The following CDK7 variants were observed in gnomAD, a reference collection of about 807,000 sequenced individuals.
CDK7 encodes the protein cyclin-dependent kinase 7.
In CDK7, 25 loss-of-function variants were observed where a neutral mutation model predicts 49.1. The observed-to-expected ratio is 0.51, with a 90% confidence interval of 0.37 to 0.71. The LOEUF (loss-of-function observed/expected upper bound fraction) is 0.71. Among genes scored for constraint, CDK7 ranks in the 30% least tolerant of loss-of-function variants. The pLI, the probability that CDK7 is intolerant of heterozygous loss-of-function variation, is 0.00. For synonymous variants in CDK7, 107 were observed against 140.0 expected (o/e 0.76, Z 1.67); for missense variants, 316 against 411.7 (o/e 0.77, Z 2.01).
At chr5:69,249,496 T>C (rs1239300666) in intron 2 of CDK7, among the ~76,000 whole-genome samples, 1 of 151,818 alleles carries the variant, frequency 6.6e-6, no homozygotes, top group East Asian at 1.9e-4. Context: ...TGAGCCGAGA[T>C]TGCACCACTG....
At chr5:69,245,305 C>CCTTCCCCCCCA (rs1749673367) in intron 2 of CDK7, among the ~76,000 whole-genome samples, 1 of 135,166 alleles carries the variant, frequency 7.4e-6, no homozygotes, top group Admixed American at 7.6e-5. Context: ...TTCCCCCTCC[C>CCTTCCCCCCCA]CTTCCCCCTC....
At chr5:69,257,460 T>C (rs1750561647) in intron 5 of CDK7, among the ~76,000 whole-genome samples, 1 of 152,232 alleles carries the variant, frequency 6.6e-6, no homozygotes, top group Non-Finnish European at 1.5e-5. Flanking sequence ...TTTTCTTCTC[T>C]GTTGCATTCT....
intron 3 of CDK7, among the ~76,000 whole-genome samples, chr5:69,254,137 G>T (rs1386793705): frequency 1.3e-5 from 2 of 152,074 alleles, no homozygotes; most frequent in Non-Finnish European, 2.9e-5. Context: ...CAATGTAAAA[G>T]AACAACAGAT....
rs1436190649 is a variant in CDK7 at position 69,234,987 on chromosome 5, C to T, written c.12C>T (p.Asp4=). The T allele has an allele frequency of 1.9e-5, 30 of 1,598,712 alleles. No homozygotes were observed. Among genetic ancestry groups the T allele is most frequent in the Non-Finnish European group, 2.6e-5 (30 of 1,173,030 alleles). ...CTTTACGGCGCCGGATGGCTCTGGA[C>T]GTGAAGTCTCGGGCAAAGCGTTATG... MAL[D]VKSRAKRYEK... The change falls in exon 1 of 12, where the codon GAC becomes GAT. Residue 4 remains aspartate (D), a synonymous_variant. Coordinates refer to ENST00000256443, the MANE Select transcript of CDK7 (RefSeq NM_001799.4).
At chr5:69,271,518 T>G (rs1456676763) in intron 9 of CDK7, among the ~76,000 whole-genome samples, 5 of 151,228 alleles carry the variant, frequency 3.3e-5, no homozygotes, top group African/African-American at 4.9e-5. Flanking sequence ...TTTTTCTTTT[T>G]TTTTTTTTTT....
At position 69,267,292 on chromosome 5, in the gene CDK7, CTTTTTT is replaced by C. The variant is rs71612523; in HGVS notation, c.628-1892_628-1887del. On this transcript the variant is annotated intron_variant, in intron 8 of 11. Transcript: ENST00000256443. Reference sequence around the variant, plus strand: ...TTAGTATTTTTCTCTATAAGGATTCCTTTTTTTTTTTTTTTTTTTTTTTTTTTTGAG... The same window carrying C: ...TTAGTATTTTTCTCTATAAGGATTCCTTTTTTTTTTTTTTTTTTTTTTGAG... 1.3e-4 allele frequency among the ~76,000 whole-genome samples: 12 copies of C among 91,096 alleles called. No individual in the cohort carries two copies. In the East Asian group the frequency reaches 3.0e-3, roughly 22 times the overall value. The allele number at this position is 91,096 out of a possible 152,430, so 59.8% of individuals were successfully genotyped here.
intron 2 of CDK7, among the ~76,000 whole-genome samples, chr5:69,243,873 C>T (rs1221026367): frequency 8.7e-6 from 1 of 115,200 alleles, no homozygotes; most frequent in African/African-American, 3.3e-5. Context: ...CGCACTGTTG[C>T]CTGGGCTGGA....
At chr5:69,250,166 G>C (rs557759189) in intron 2 of CDK7, among the ~76,000 whole-genome samples, 25 of 152,286 alleles carry the variant, frequency 1.6e-4, no homozygotes, top group Non-Finnish European at 3.4e-4. Context: ...GAAGAGTCAG[G>C]TATTTATTAT....
chr5:69,256,290 C>T (rs1345459039), intron 5 of CDK7, among the ~76,000 whole-genome samples: 1 of 152,066 alleles, frequency 6.6e-6, no homozygotes, highest in Non-Finnish European at 1.5e-5. Context: ...AATAAAGAAA[C>T]TTATTTCCAT....
At chr5:69,235,928 C>T (rs1413708225) in intron 2 of CDK7, among the ~76,000 whole-genome samples, 1 of 152,148 alleles carries the variant, frequency 6.6e-6, no homozygotes, top group African/African-American at 2.4e-5. Flanking sequence ...GATTCAGTAG[C>T]TTCTTATATT....
intron 9 of CDK7, 152 bp downstream of exon 9, chr5:69,269,445 A>G: frequency 3.8e-6 from 2 of 530,372 alleles, no homozygotes; most frequent in Non-Finnish European, 3.3e-6. Context: ...TATATAAAGT[A>G]AGAAGTTACA....
At position 69,258,163 on chromosome 5, in the gene CDK7, T is replaced by C. The variant is rs1750601629; in HGVS notation, c.408+10T>C. ...TTGGATCCTACATAGGGTAAGGTTT[T>C]TAATATTGCTTCTTTATACTAGTCA... is the stretch of plus-strand genomic sequence containing the variant. On this transcript the variant is annotated intron_variant, in intron 6 of 11. Coordinates refer to ENST00000256443, the MANE Select transcript of CDK7 (RefSeq NM_001799.4). 7.9e-7 allele frequency: 1 copy of C among 1,266,672 alleles called. No homozygotes were observed. 78.5% of individuals were successfully genotyped at this position (1,266,672 alleles called of 1,614,324 possible). A position where few individuals can be genotyped will look rare whatever the true frequency, so the allele number is the denominator to read the frequency against.
At chr5:69,262,074 T>G (rs1388085159) in intron 7 of CDK7, 131 bp from the exon 8 acceptor site, 1 of 994,584 alleles carries the variant, frequency 1.0e-6, no homozygotes, top group African/African-American at 1.6e-5. Flanking sequence ...CATGAAAGAG[T>G]ATGGTATCTA....
chr5:69,253,878 C>T (rs997091300), intron 3 of CDK7, among the ~76,000 whole-genome samples: 37 of 152,054 alleles, frequency 2.4e-4, no homozygotes, highest in East Asian at 5.8e-4. Context: ...GTGGGTAGAT[C>T]GCCTGAGCTC....
In CDK7 at chr5:69,247,502, T is replaced by C. The variant is rs145670455; in HGVS notation, c.127-4916T>C. Among the ~76,000 whole-genome samples, 602 of 149,568 alleles carry C rather than the reference T, an allele frequency of 4.0e-3. 6 individuals are homozygous for C. Among genetic ancestry groups the C allele is most frequent in the Non-Finnish European group, 7.1e-3 (477 of 67,484 alleles). On this transcript the variant is annotated intron_variant, in intron 2 of 11. Coordinates refer to ENST00000256443, the MANE Select transcript of CDK7 (RefSeq NM_001799.4). ...TGTGCTTCTTGTAGGCAACAGATCT[T>C]TGGGGCTTCTTTTTTTTTTTTATCC...
At position 69,272,948 on chromosome 5, in the gene CDK7, G is replaced by T. The variant is rs1157678349; in HGVS notation, c.771G>T (p.Leu257Phe). The T allele has an allele frequency of 6.3e-7, 1 of 1,597,976 alleles. No individual in the cohort carries two copies. Among genetic ancestry groups the T allele is most frequent in the Admixed American group, 1.7e-5 (1 of 59,096 alleles). ...TTAAGAGTTTCCCTGGAATACCTTT[G>T]CATCACATCTTCAGTGCAGCAGGAG... The part of the protein sequence containing the change: ...VTFKSFPGIP[L>F]HHIFSAAGDD... Residue 257 changes from leucine (L) to phenylalanine (F), a missense_variant, in exon 10 of 12, where the codon TTG becomes TTT. By Grantham distance (22) the Leu-to-Phe change is conservative. Coordinates refer to ENST00000256443, the MANE Select transcript of CDK7 (RefSeq NM_001799.4).
chr5:69,252,452 G>T lies in CDK7; in HGVS notation c.160+1G>T. On this transcript the variant is annotated splice_donor_variant, in intron 3 of 11. Coordinates refer to ENST00000256443, the MANE Select transcript of CDK7 (RefSeq NM_001799.4). LOFTEE classifies it high-confidence loss of function. ...GGACATAGATCAGAAGCTAAAGATG[G>T]TAAGTATTTCATGTAATCTGACAGA... is the stretch of plus-strand genomic sequence containing the variant. 1 of 1,475,586 alleles carries T rather than the reference G, an allele frequency of 6.8e-7. No individual in the cohort carries two copies. Among genetic ancestry groups the T allele is most frequent in the Non-Finnish European group, 9.2e-7 (1 of 1,088,562 alleles). The allele number at this position is 1,475,586 out of a possible 1,614,324, so 91.4% of individuals were successfully genotyped here.
Position 69,272,893 on chromosome 5 carries a change from A to G in CDK7, c.716A>G (p.Asp239Gly). ...TGAATTACAAAATTATTTTTACAGGACATGTGTAGTCTTCCAGATTATGTG... is the reference window on the plus strand; with the variant it reads ...TGAATTACAAAATTATTTTTACAGGGCATGTGTAGTCTTCCAGATTATGTG... The part of the protein sequence containing the change: ...LGTPTEEQWP[D>G]MCSLPDYVTF... The change falls in exon 10 of 12, where the codon GAC (aspartate) becomes GGC (glycine). Residue 239 changes from aspartate to glycine, a missense_variant and splice_region_variant. Coordinates refer to ENST00000256443, the MANE Select transcript of CDK7 (RefSeq NM_001799.4). The G allele has an allele frequency of 6.4e-7, 1 of 1,566,932 alleles. No individual in the cohort carries two copies. Among genetic ancestry groups the G allele is most frequent in the African/African-American group, 1.4e-5 (1 of 73,430 alleles).
chr5:69,261,571 C>T (rs558357360), intron 7 of CDK7, among the ~76,000 whole-genome samples: 141 of 151,720 alleles, frequency 9.3e-4, no homozygotes, highest in African/African-American at 3.3e-3. Context: ...GGCACTGTCG[C>T]CCAGGCTGGA....
Sources: allele counts gnomAD v4.1 joint callset (sites outside exome capture counted in the v4.1 genomes callset), GRCh38; gene constraint gnomAD v4.1.1; transcripts MANE v1.5; gene names NCBI Gene and HGNC (gene_info 2026-07-23, HGNC 2026-07-21).